The following NPAS2 variants were observed in gnomAD, a reference collection of about 807,000 sequenced individuals.
The protein encoded by NPAS2 is neuronal PAS domain-containing protein 2.
A neutral mutation model predicts 107.5 loss-of-function variants in NPAS2; 23 were observed. The ratio of observed to expected loss-of-function variants is 0.21; its 90% CI spans 0.15 to 0.30. The LOEUF (loss-of-function observed/expected upper bound fraction) is 0.30. Among genes scored for constraint, NPAS2 ranks in the 10% least tolerant of loss-of-function variants. NPAS2 has a pLI of 1.00. For synonymous variants in NPAS2, 403 were observed against 417.5 expected (o/e 0.97, Z 0.42); for missense variants, 756 against 1,043.3 (o/e 0.72, Z 3.79).
chr2:100,935,402 C>T (rs1573658170), intron 4 of NPAS2, among the ~76,000 whole-genome samples: 1 of 152,164 alleles, frequency 6.6e-6, no homozygotes, highest in Admixed American at 6.5e-5. Flanking sequence ...CCTTTGGAAA[C>T]ACCCCAGTCA....
chr2:100,986,021 A>G (rs1677755882), intron 16 of NPAS2: 1 of 152,232 alleles, frequency 6.6e-6, no homozygotes, highest in African/African-American at 2.4e-5. Context: ...GAAGTGATGA[A>G]GTATAGGTTG....
chr2:100,832,900 C>A (rs999172955), intron 1 of NPAS2, among the ~76,000 whole-genome samples: 1 of 152,202 alleles, frequency 6.6e-6, no homozygotes, highest in Non-Finnish European at 1.5e-5. Context: ...TGTCTAAGCA[C>A]ATATCTCTAT....
intron 1 of NPAS2, among the ~76,000 whole-genome samples, chr2:100,856,671 A>C (rs1417258260): frequency 7.5e-6 from 1 of 132,756 alleles, no homozygotes; most frequent in Non-Finnish European, 1.6e-5. Flanking sequence ...AGCAGCTCGG[A>C]CTTCGGAAGC....
At chr2:100,955,329 C>G (rs1052318905) in intron 7 of NPAS2, among the ~76,000 whole-genome samples, 1 of 152,152 alleles carries the variant, frequency 6.6e-6, no homozygotes, top group Non-Finnish European at 1.5e-5. Context: ...GACAGCGACC[C>G]TTACTGTACC....
At chr2:100,945,956 G>A (rs1674867248) in intron 5 of NPAS2, among the ~76,000 whole-genome samples, 1 of 152,194 alleles carries the variant, frequency 6.6e-6, no homozygotes, top group Non-Finnish European at 1.5e-5. Flanking sequence ...CACCATCCTG[G>A]ACATCAGGGA....
chr2:100,949,353 CT>C lies in NPAS2; in HGVS notation c.485-11del. 6.5e-7 allele frequency: 1 copy of C among 1,535,668 alleles called. No homozygotes were observed. The highest frequency in any genetic ancestry group is 9.0e-7 in the Non-Finnish European group (1 of 1,108,534). ...ACGACCCCTTTCTCTCCTCTTCTTC[CT>C]TTAACGGCCCAGCTGACAGCGATTT... On this transcript the variant is annotated splice_polypyrimidine_tract_variant and intron_variant, in intron 6 of 20. Coordinates refer to ENST00000335681, the MANE Select transcript of NPAS2 (RefSeq NM_002518.4).
chr2:100,923,611 G>A (rs1683376423), intron 2 of NPAS2, among the ~76,000 whole-genome samples: 1 of 152,158 alleles, frequency 6.6e-6, no homozygotes, highest in Admixed American at 6.5e-5. Context: ...GCCTCCTGGT[G>A]AAGGATTTGC....
intron 1 of NPAS2, chr2:100,877,835 C>T (rs1308354470): frequency 2.2e-6 from 1 of 453,856 alleles, no homozygotes; most frequent in Non-Finnish European, 2.9e-6. Flanking sequence ...GCCGGTGCAT[C>T]CTTTTTATTT....
chr2:100,935,390 C>T (rs1684235077), intron 4 of NPAS2, among the ~76,000 whole-genome samples: 1 of 152,210 alleles, frequency 6.6e-6, no homozygotes, highest in African/African-American at 2.4e-5. Context: ...GCCATTATGG[C>T]ACCTTTGGAA....
chr2:100,877,643 G>T (rs753847664), intron 1 of NPAS2, among the ~76,000 whole-genome samples: 1 of 152,080 alleles, frequency 6.6e-6, no homozygotes, highest in Non-Finnish European at 1.5e-5. Flanking sequence ...TATCCTGTGA[G>T]TGTCATAGCA....
At chr2:100,840,300 A>C (rs1228791951) in intron 1 of NPAS2, among the ~76,000 whole-genome samples, 1 of 152,028 alleles carries the variant, frequency 6.6e-6, no homozygotes, top group Non-Finnish European at 1.5e-5. Context: ...GCTCTCCTTC[A>C]CTTAACTACA....
intron 1 of NPAS2, among the ~76,000 whole-genome samples, chr2:100,868,357 G>C (rs1679374081): frequency 6.6e-6 from 1 of 152,164 alleles, no homozygotes; most frequent in Non-Finnish European, 1.5e-5. Flanking sequence ...AAGTCCTGCT[G>C]CCCATCCAGT....
At chr2:100,880,501 A>G (rs77976339) in intron 1 of NPAS2, among the ~76,000 whole-genome samples, 2,463 of 152,324 alleles carry the variant, frequency 0.016, 77 homozygotes, top group African/African-American at 0.056. Context: ...GGACCTCGAA[A>G]GCATTATGCT....
At chr2:100,913,418 C>T (rs1216923327) in intron 2 of NPAS2, among the ~76,000 whole-genome samples, 1 of 152,192 alleles carries the variant, frequency 6.6e-6, no homozygotes, top group African/African-American at 2.4e-5. Flanking sequence ...CCTATTTACT[C>T]AGTTAACAGA....
intron 2 of NPAS2, among the ~76,000 whole-genome samples, chr2:100,910,294 A>G (rs1194157681): frequency 6.6e-6 from 1 of 152,114 alleles, no homozygotes; most frequent in Non-Finnish European, 1.5e-5. Flanking sequence ...AGTCACTATG[A>G]AATTAGGCCA....
At chr2:100,925,522 CA>C (rs1683504770) in intron 3 of NPAS2, among the ~76,000 whole-genome samples, 1 of 152,134 alleles carries the variant, frequency 6.6e-6, no homozygotes, top group Non-Finnish European at 1.5e-5. Context: ...CGAGAGAATC[CA>C]AAACAACCTC....
In NPAS2 at chr2:100,988,229, G is replaced by A. The variant is rs1288350779; in HGVS notation, c.1780G>A (p.Val594Ile). 1.2e-6 allele frequency: 2 copies of A among 1,614,046 alleles called. No homozygotes were observed. Among genetic ancestry groups the A allele is most frequent in the South Asian group, 1.1e-5 (1 of 91,078 alleles). ...TCCAGGGCAGATCTCCTCTGCCCAG[G>A]TCACAAGCCAGCACCTGCTCAGAGA... ...QLPGQISSAQVTSQHLLRESS... is the reference protein window; with the variant it reads ...QLPGQISSAQITSQHLLRESS... The change falls in exon 17 of 21, where the codon GTC (valine) becomes ATC (isoleucine). Residue 594 changes from valine (V) to isoleucine (I), a missense_variant. Coordinates refer to ENST00000335681, the MANE Select transcript of NPAS2 (RefSeq NM_002518.4).
At chr2:100,922,250 T>A (rs943787358) in intron 2 of NPAS2, among the ~76,000 whole-genome samples, 2 of 152,120 alleles carry the variant, frequency 1.3e-5, no homozygotes, top group Non-Finnish European at 2.9e-5. Context: ...TGCACTAAAA[T>A]GGATGAATTT....
intron 7 of NPAS2, among the ~76,000 whole-genome samples, chr2:100,954,267 T>C (rs1304326555): frequency 6.6e-6 from 1 of 152,140 alleles, no homozygotes; most frequent in East Asian, 1.9e-4. Context: ...GAAAGGTACC[T>C]GGAAGGTGAG....
Sources: allele counts gnomAD v4.1 joint callset (sites outside exome capture counted in the v4.1 genomes callset), GRCh38; gene constraint gnomAD v4.1.1; transcripts MANE v1.5; gene names NCBI Gene and HGNC (gene_info 2026-07-23, HGNC 2026-07-21).